CNTN3: variants seen among roughly 807,000 people sequenced by gnomAD.
The protein encoded by CNTN3 is contactin-3.
Under a neutral mutation model 119.1 loss-of-function variants are expected in CNTN3, and 60 were observed. That is an observed-to-expected ratio of 0.50 (90% confidence interval 0.41 to 0.62). CNTN3 has a LOEUF of 0.62. CNTN3 is among the 20% of genes least tolerant of loss of function. CNTN3 has a pLI of 0.00. For missense variants in CNTN3, 1,101 were observed against 1,242.4 expected (o/e 0.89, Z 1.71); for synonymous variants, 450 against 438.7 (o/e 1.03, Z -0.32).
chr3:74,516,820 C>A (rs562743885), intron 2 of CNTN3, among the ~76,000 whole-genome samples: 1 of 143,952 alleles, frequency 6.9e-6, no homozygotes, highest in East Asian at 1.9e-4. Context: ...TAGCTTAAAA[C>A]AATATCCAAG....
intron 4 of CNTN3, among the ~76,000 whole-genome samples, chr3:74,432,139 A>G (rs1193577576): frequency 6.6e-6 from 1 of 152,188 alleles, no homozygotes; most frequent in Non-Finnish European, 1.5e-5. Flanking sequence ...AAATGACAAG[A>G]TTGCCTTTGA....
chr3:74,284,567 G>T (rs1371847463), intron 20 of CNTN3, among the ~76,000 whole-genome samples: 1 of 152,020 alleles, frequency 6.6e-6, no homozygotes, highest in East Asian at 1.9e-4. Flanking sequence ...TAAGATGAGG[G>T]CAATGACAAT....
chr3:74,370,809 A>G (rs1704316362), intron 6 of CNTN3, among the ~76,000 whole-genome samples: 1 of 152,186 alleles, frequency 6.6e-6, no homozygotes, highest in African/African-American at 2.4e-5. Context: ...CAAAATATCC[A>G]GAGCTTTAAA....
chr3:74,280,950 C>T (rs1701993606), intron 20 of CNTN3, among the ~76,000 whole-genome samples: 1 of 152,064 alleles, frequency 6.6e-6, no homozygotes, highest in South Asian at 2.1e-4. Flanking sequence ...ATCTGAGTGA[C>T]AACGTGGAAG....
At chr3:74,406,849 T>G (rs777369476) in intron 5 of CNTN3, among the ~76,000 whole-genome samples, 13 of 152,144 alleles carry the variant, frequency 8.5e-5, no homozygotes, top group Non-Finnish European at 1.9e-4. Context: ...TTGTTTCTGC[T>G]AGAGGAAGAA....
At chr3:74,554,165 T>G (rs1575825914) in intron 1 of CNTN3, among the ~76,000 whole-genome samples, 2 of 152,360 alleles carry the variant, frequency 1.3e-5, no homozygotes, top group South Asian at 2.1e-4. Flanking sequence ...TGCCATTTAT[T>G]AAATAGGGAA....
At chr3:74,297,672 T>C (rs953113958) in intron 18 of CNTN3, among the ~76,000 whole-genome samples, 2 of 152,230 alleles carry the variant, frequency 1.3e-5, no homozygotes, top group Non-Finnish European at 2.9e-5. Flanking sequence ...GGCATTTTCT[T>C]GCATGACTTG....
chr3:74,368,297 A>C (rs1331050057), intron 8 of CNTN3, among the ~76,000 whole-genome samples: 2 of 152,242 alleles, frequency 1.3e-5, no homozygotes, highest in Non-Finnish European at 2.9e-5. Context: ...TGCAACATGC[A>C]CATATGCTAT....
rs572108568 is a variant in CNTN3, at chr3:74,498,599, C to T, written c.182+1060G>A. On this transcript the variant is annotated intron_variant, in intron 3 of 22. Transcript: ENST00000263665. ...CCAGATGCAAAAATACAAAACCTAC[C>T]TTCTACCCCAATCTTGACCCAGTTT... 5.9e-5 allele frequency among the ~76,000 whole-genome samples: 9 copies of T among 151,822 alleles called. No individual in the cohort carries two copies. The South Asian group carries it at 1.0e-3, about 17-fold the overall frequency.
At chr3:74,440,828 T>C (rs1701950728) in intron 4 of CNTN3, among the ~76,000 whole-genome samples, 1 of 152,188 alleles carries the variant, frequency 6.6e-6, no homozygotes. Context: ...TAACAACAAT[T>C]TATAAAGCAT....
intron 4 of CNTN3, among the ~76,000 whole-genome samples, chr3:74,426,240 G>A (rs553816960): frequency 3.3e-5 from 5 of 152,210 alleles, no homozygotes; most frequent in South Asian, 2.1e-4. Flanking sequence ...GAATTACACC[G>A]TTAATATACT....
intron 1 of CNTN3, among the ~76,000 whole-genome samples, chr3:74,537,323 G>A (rs545041670): frequency 6.3e-4 from 96 of 152,154 alleles, no homozygotes; most frequent in African/African-American, 2.2e-3. Flanking sequence ...GGAAGTAGTC[G>A]CCACGCTTGG....
chr3:74,449,479 A>G lies in CNTN3; in HGVS notation c.359-24539T>C, dbSNP rs551517129. Among the ~76,000 whole-genome samples the G allele has an allele frequency of 1.7e-3, 264 of 152,184 alleles. 2 individuals are homozygous for G. Among genetic ancestry groups the G allele is most frequent in the African/African-American group, 6.1e-3 (252 of 41,534 alleles). On this transcript the variant is annotated intron_variant, in intron 4 of 22. Coordinates refer to ENST00000263665, the MANE Select transcript of CNTN3 (RefSeq NM_020872.3). ...TATTTATAATAATCAGCTGGGAAACATGTTTCAAGTGCAAATTTCCAGGCC... is the reference window on the plus strand; with the variant it reads ...TATTTATAATAATCAGCTGGGAAACGTGTTTCAAGTGCAAATTTCCAGGCC...
rs191813461 is a variant in CNTN3 at position 74,447,098 on chromosome 3, G to C, written c.359-22158C>G. 2.1e-3 allele frequency among the ~76,000 whole-genome samples: 313 copies of C among 152,278 alleles called. 1 individual carries two copies. Among genetic ancestry groups the C allele is most frequent in the African/African-American group, 7.1e-3 (297 of 41,564 alleles). ...GTAAATGAGGAGCGCCTGACAATGAGAAAGATATAAAGAAGCCAAAAAGAA... is the reference window on the plus strand; with the variant it reads ...GTAAATGAGGAGCGCCTGACAATGACAAAGATATAAAGAAGCCAAAAAGAA... On this transcript the variant is annotated intron_variant, in intron 4 of 22. Coordinates refer to ENST00000263665, the MANE Select transcript of CNTN3 (RefSeq NM_020872.3).
intron 1 of CNTN3, among the ~76,000 whole-genome samples, chr3:74,564,848 T>C (rs1020671237): frequency 2.0e-5 from 3 of 152,032 alleles, no homozygotes; most frequent in Admixed American, 6.6e-5. Flanking sequence ...CTGCTTGCAA[T>C]TAAGAACTCC....
chr3:74,413,622 C>T (rs1350237562), intron 5 of CNTN3, among the ~76,000 whole-genome samples: 1 of 152,096 alleles, frequency 6.6e-6, no homozygotes. Flanking sequence ...TTGCCCAAGC[C>T]TCAAATCCTA....
intron 5 of CNTN3, among the ~76,000 whole-genome samples, chr3:74,397,689 G>T (rs1183506153): frequency 6.6e-6 from 1 of 152,116 alleles, no homozygotes; most frequent in Non-Finnish European, 1.5e-5. Context: ...AAGATTGTAG[G>T]TGCCGTAGAT....
At chr3:74,582,955 A>C (rs1368012630) in intron 1 of CNTN3, among the ~76,000 whole-genome samples, 3 of 152,242 alleles carry the variant, frequency 2.0e-5, no homozygotes. Flanking sequence ...TTTAATTTAC[A>C]GAAGTGACTC....
At chr3:74,398,303 G>A (rs572590553) in intron 5 of CNTN3, among the ~76,000 whole-genome samples, 9 of 152,268 alleles carry the variant, frequency 5.9e-5, no homozygotes, top group African/African-American at 1.7e-4. Context: ...CCAACCTTCC[G>A]TGATCACCAC....
Sources: allele counts gnomAD v4.1 joint callset (sites outside exome capture counted in the v4.1 genomes callset), GRCh38; gene constraint gnomAD v4.1.1; transcripts MANE v1.5; gene names NCBI Gene and HGNC (gene_info 2026-07-23, HGNC 2026-07-21).